Variants in NF2 observed in about 807,000 individuals in gnomAD.
The protein encoded by NF2 is merlin.
A neutral mutation model predicts 83.7 loss-of-function variants in NF2; 8 were observed. The ratio of observed to expected loss-of-function variants is 0.10; its 90% CI spans 0.06 to 0.17. The LOEUF (loss-of-function observed/expected upper bound fraction) is 0.17. NF2 is among the 10% of genes least tolerant of loss of function. The pLI, the probability that NF2 is intolerant of heterozygous loss-of-function variation, is 1.00. For synonymous variants in NF2, 266 were observed against 269.6 expected (o/e 0.99, Z 0.13); for missense variants, 533 against 744.4 (o/e 0.72, Z 3.31).
intron 15 of NF2, among the ~76,000 whole-genome samples, chr22:29,690,722 G>A (rs905415172): frequency 6.6e-6 from 1 of 152,238 alleles, no homozygotes; most frequent in Non-Finnish European, 1.5e-5. Context: ...TCACACGGCT[G>A]ATTCTAATCA....
intron 3 of NF2, 81 bp from the exon 4 acceptor site, chr22:29,642,121 C>T (rs1555988721): frequency 1.1e-5 from 13 of 1,159,760 alleles, no homozygotes; most frequent in East Asian, 4.7e-5. Context: ...ATTAGAACGC[C>T]GTGAGGCCAT....
chr22:29,662,428 G>A (rs1432588065), intron 8 of NF2, among the ~76,000 whole-genome samples: 1 of 152,208 alleles, frequency 6.6e-6, no homozygotes, highest in Non-Finnish European at 1.5e-5. Flanking sequence ...GTGCTCAGCA[G>A]TTCTTCATTA....
chr22:29,677,163 A>G (rs987779518), intron 13 of NF2, among the ~76,000 whole-genome samples: 1 of 152,250 alleles, frequency 6.6e-6, no homozygotes, highest in Non-Finnish European at 1.5e-5. Context: ...GAAAGAAGAT[A>G]CAGCCAAAAA....
At chr22:29,655,390 G>A (rs1036992816) in intron 5 of NF2, among the ~76,000 whole-genome samples, 1 of 152,226 alleles carries the variant, frequency 6.6e-6, no homozygotes, top group African/African-American at 2.4e-5. Context: ...CTAGGTCTGA[G>A]TTATCATGCA....
chr22:29,667,949 G>A (rs1283121267), intron 9 of NF2, among the ~76,000 whole-genome samples: 3 of 152,056 alleles, frequency 2.0e-5, no homozygotes, highest in Non-Finnish European at 4.4e-5. Flanking sequence ...GTAAGGGAGG[G>A]ATACAACTTA....
rs141268194 is a variant in NF2, at chr22:29,696,696, G to C, written c.*1894G>C. ...CAGGGTGGGACTCCAGACCTAGAGC[G>C]TAAGTATGGATGTTGTGGCCCTGTG... On this transcript the variant is annotated 3_prime_UTR_variant, in exon 16 of 16. Coordinates refer to ENST00000338641, the MANE Select transcript of NF2 (RefSeq NM_000268.4). The C allele has an allele frequency of 4.5e-6, 1 of 221,568 alleles. No individual in the cohort carries two copies. Among genetic ancestry groups the C allele is most frequent in the East Asian group, 6.5e-5 (1 of 15,390 alleles). The allele number at this position is 221,568 out of a possible 1,614,324, so 13.7% of individuals were successfully genotyped here.
chr22:29,697,234 G>A lies in NF2; in HGVS notation c.*2432G>A, dbSNP rs1032468122. The stretch of plus-strand genomic sequence containing the variant: ...GGAGCATATGGTGGTTTATAAAAAC[G>A]CTGTCGGGCTTTGTTTCCTTCTTTA... On this transcript the variant is annotated 3_prime_UTR_variant, in exon 16 of 16. Coordinates refer to ENST00000338641, the MANE Select transcript of NF2 (RefSeq NM_000268.4). 3 of 202,804 alleles carry A rather than the reference G, an allele frequency of 1.5e-5. No individual in the cohort carries two copies. The Admixed American group carries it at 1.8e-4, about 12-fold the overall frequency. The allele number at this position is 202,804 out of a possible 1,614,324, so 12.6% of individuals were successfully genotyped here.
At chr22:29,657,738 C>T (rs1478314192) in intron 6 of NF2, among the ~76,000 whole-genome samples, 3 of 152,204 alleles carry the variant, frequency 2.0e-5, no homozygotes, top group African/African-American at 7.2e-5. Flanking sequence ...TAACCTCCAA[C>T]AATACTCAGG....
chr22:29,661,183 G>C (rs752545688), intron 7 of NF2, 22 bp from the exon 8 acceptor site: 1 of 1,614,144 alleles, frequency 6.2e-7, no homozygotes, highest in Non-Finnish European at 8.5e-7. Context: ...GCTTACAGTA[G>C]CTGTTCTTAT....
Position 29,694,154 on chromosome 22 carries a change from C to T in NF2, c.1738-598C>T, listed in dbSNP as rs998624558. The stretch of plus-strand genomic sequence containing the variant: ...CCTGCACAAGCCACACTGAGAAAGC[C>T]GTTGCCTCCAGCTCATGGAGAGAAA... On this transcript the variant is annotated intron_variant, in intron 15 of 15. Transcript: ENST00000338641. This position sits in a 1 kb window ranked among gnomAD's most constrained non-coding sequence, Gnocchi z 4.1. Among the ~76,000 whole-genome samples the T allele has an allele frequency of 5.3e-5, 8 of 152,240 alleles. No homozygotes were observed. Among genetic ancestry groups the T allele is most frequent in the South Asian group, 2.1e-4 (1 of 4,838 alleles).
chr22:29,613,964 G>T (rs2065018962), intron 1 of NF2, among the ~76,000 whole-genome samples: 1 of 150,370 alleles, frequency 6.7e-6, no homozygotes, highest in South Asian at 2.1e-4. Context: ...CCACTATGTT[G>T]GCCAGGCTAG....
At chr22:29,619,322 G>A (rs2065152958) in intron 1 of NF2, among the ~76,000 whole-genome samples, 1 of 152,100 alleles carries the variant, frequency 6.6e-6, no homozygotes, top group South Asian at 2.1e-4. Flanking sequence ...TGGGATTACA[G>A]GCACGAGCCA....
At chr22:29,657,944 G>T (rs2066361815) in intron 6 of NF2, among the ~76,000 whole-genome samples, 1 of 152,222 alleles carries the variant, frequency 6.6e-6, no homozygotes, top group East Asian at 1.9e-4. Flanking sequence ...CTAAGGCCAA[G>T]AAACTCCGTG....
intron 10 of NF2, 100 bp from the exon 11 acceptor site, chr22:29,671,726 C>G (rs2066793623): frequency 1.3e-6 from 2 of 1,560,160 alleles, no homozygotes; most frequent in Non-Finnish European, 1.8e-6. Flanking sequence ...GGAAAAAGGT[C>G]CCAAAAGGGG....
In NF2 at chr22:29,698,269, C is replaced by G. The variant is rs535211691; in HGVS notation, c.*3467C>G. On this transcript the variant is annotated 3_prime_UTR_variant, in exon 16 of 16. Coordinates refer to ENST00000338641, the MANE Select transcript of NF2 (RefSeq NM_000268.4). ...TGTAATTTTGGGGACAGGTTTCTCT[C>G]TTTCCCTCTCTTTTTTTTGTCAAAA... is the stretch of plus-strand genomic sequence containing the variant. The G allele has an allele frequency of 4.4e-6, 1 of 227,590 alleles. No individual in the cohort carries two copies. Among genetic ancestry groups the G allele is most frequent in the African/African-American group, 2.2e-5 (1 of 44,956 alleles). 14.1% of individuals were successfully genotyped at this position (227,590 alleles called of 1,614,324 possible).
At position 29,683,517 on chromosome 22, in the gene NF2, CTGG is replaced by C. The variant is rs2067201144; in HGVS notation, c.1737+1917_1737+1919del. ...AGCCTCTCAAGACCCATGGTCACAC[CTGG>C]CAGCTTCTGGTAGTGGGGCAAAAGG... On this transcript the variant is annotated intron_variant, in intron 15 of 15. Coordinates refer to ENST00000338641, the MANE Select transcript of NF2 (RefSeq NM_000268.4). 5 of 1,126,272 alleles carry C rather than the reference CTGG, an allele frequency of 4.4e-6. No homozygotes were observed. The South Asian group carries it at 1.7e-4, about 38-fold the overall frequency. 69.8% of individuals were successfully genotyped at this position (1,126,272 alleles called of 1,614,324 possible).
chr22:29,654,070 C>T (rs1379171919), intron 4 of NF2, among the ~76,000 whole-genome samples: 1 of 152,034 alleles, frequency 6.6e-6, no homozygotes, highest in Non-Finnish European at 1.5e-5. Context: ...TATTTCCAAC[C>T]GCATTAGTGA....
chr22:29,621,775 C>T lies in NF2; in HGVS notation c.115-14976C>T, dbSNP rs138968917. ...GCCTCTCCTCCACTTCCTCACGCAC[C>T]CTCTTGCTCTGAGCCTATTATCCTG... is the stretch of plus-strand genomic sequence containing the variant. On this transcript the variant is annotated intron_variant, in intron 1 of 15. Transcript: ENST00000338641. 1.2e-3 allele frequency among the ~76,000 whole-genome samples: 178 copies of T among 152,272 alleles called. 1 individual carries two copies. The highest frequency in any genetic ancestry group is 4.1e-3 in the African/African-American group (172 of 41,540).
At chr22:29,670,503 T>TTGTGTGTGTGTG (rs131255) in intron 10 of NF2, among the ~76,000 whole-genome samples, 4,654 of 146,382 alleles carry the variant, frequency 0.032, 113 homozygotes, top group African/African-American at 0.05. Context: ...CTTTTTGAGC[T>TTGTGTGTGTGTG]TGTGTGTGTG....
Sources: gnomAD v4.1 joint callset for allele counts (sites outside exome capture counted in the v4.1 genomes callset) on GRCh38, gnomAD v4.1.1 for gene constraint, Gnocchi (gnomAD v3.1) non-coding constraint, MANE v1.5 for transcripts, NCBI Gene and HGNC (gene_info 2026-07-23, HGNC 2026-07-21) for gene names.